The following SHROOM3 variants were observed in gnomAD, a reference collection of about 807,000 sequenced individuals.
SHROOM3 encodes the protein shroom family member 3.
A neutral mutation model predicts 138.6 loss-of-function variants in SHROOM3; 47 were observed. That is an observed-to-expected ratio of 0.34 (90% CI 0.27 to 0.43). The LOEUF is 0.43. Ranked by LOEUF, SHROOM3 falls within the 20% of genes least tolerant of loss-of-function variation. The pLI is 1.00. For missense variants in SHROOM3, 2,491 were observed against 2,596.5 expected, an observed-to-expected ratio of 0.96 and a Z score of 0.88; for synonymous variants, 1,062 against 1,063.3, an observed-to-expected ratio of 1.00 and a Z score of 0.02.
At chr4:76,745,850 G>A (rs556744468) in intron 5 of SHROOM3, among the ~76,000 whole-genome samples, 113 of 152,282 alleles carry the variant, frequency 7.4e-4, no homozygotes, top group African/African-American at 2.6e-3. Context: ...GCATGGTGGT[G>A]TGCATCTGTA....
At chr4:76,564,838 A>G (rs544424096) in intron 2 of SHROOM3, among the ~76,000 whole-genome samples, 133 of 152,290 alleles carry the variant, frequency 8.7e-4, no homozygotes, top group Non-Finnish European at 1.8e-3. Flanking sequence ...CTTCTATACC[A>G]TTAAAGAATT....
chr4:76,756,013 C>T (rs1187918752), intron 7 of SHROOM3, among the ~76,000 whole-genome samples: 1 of 152,222 alleles, frequency 6.6e-6, no homozygotes, highest in Non-Finnish European at 1.5e-5. Flanking sequence ...TCTCTGGAAT[C>T]TAACAGCAAC....
intron 2 of SHROOM3, among the ~76,000 whole-genome samples, chr4:76,587,689 A>G (rs1734182820): frequency 6.6e-6 from 1 of 152,344 alleles, no homozygotes; most frequent in African/African-American, 2.4e-5. Context: ...AAACATAAAA[A>G]TTACTGCTTT....
intron 1 of SHROOM3, among the ~76,000 whole-genome samples, chr4:76,449,905 C>A (rs1189310228): frequency 2.0e-5 from 3 of 152,082 alleles, no homozygotes; most frequent in Non-Finnish European, 4.4e-5. Context: ...GAAACATATG[C>A]TCTATTAAAA....
intron 2 of SHROOM3, among the ~76,000 whole-genome samples, chr4:76,566,251 A>C (rs964853825): frequency 2.0e-5 from 3 of 152,166 alleles, no homozygotes; most frequent in African/African-American, 7.2e-5. Context: ...TAGGTAGGAT[A>C]AGTAATCCAG....
chr4:76,519,369 C>T (rs1732514521), intron 1 of SHROOM3, among the ~76,000 whole-genome samples: 1 of 152,170 alleles, frequency 6.6e-6, no homozygotes, highest in Non-Finnish European at 1.5e-5. Flanking sequence ...CATTTAACTT[C>T]AGTGACTTCA....
intron 3 of SHROOM3, among the ~76,000 whole-genome samples, chr4:76,714,818 G>A (rs1720326191): frequency 6.6e-6 from 1 of 152,052 alleles, no homozygotes; most frequent in Admixed American, 6.6e-5. Context: ...ATTCATTCAT[G>A]TCAGTAAGGA....
At chr4:76,579,072 C>A (rs887390561) in intron 2 of SHROOM3, among the ~76,000 whole-genome samples, 2 of 152,062 alleles carry the variant, frequency 1.3e-5, no homozygotes, top group Non-Finnish European at 2.9e-5. Context: ...CCCAGCTACT[C>A]AGGAAGTTGA....
intron 1 of SHROOM3, among the ~76,000 whole-genome samples, chr4:76,462,756 C>G (rs1243491738): frequency 6.6e-6 from 1 of 151,176 alleles, no homozygotes; most frequent in Non-Finnish European, 1.5e-5. Flanking sequence ...CTCCCTCTCC[C>G]TCTCCCTCTC....
chr4:76,526,920 G>A (rs1732701696), intron 1 of SHROOM3, among the ~76,000 whole-genome samples: 1 of 152,186 alleles, frequency 6.6e-6, no homozygotes, highest in African/African-American at 2.4e-5. Context: ...TTTGTGGAAT[G>A]GATTGTTCTC....
intron 2 of SHROOM3, among the ~76,000 whole-genome samples, chr4:76,694,609 C>G (rs1182931811): frequency 1.3e-5 from 2 of 152,164 alleles, no homozygotes; most frequent in Non-Finnish European, 1.5e-5. Context: ...CTCTGCTACA[C>G]TAGTAATTTG....
intron 2 of SHROOM3, among the ~76,000 whole-genome samples, chr4:76,656,160 A>G (rs891930351): frequency 6.6e-6 from 1 of 152,124 alleles, no homozygotes; most frequent in Non-Finnish European, 1.5e-5. Context: ...ATTTCCAACT[A>G]TAAGGAAACT....
intron 1 of SHROOM3, among the ~76,000 whole-genome samples, chr4:76,536,667 A>G (rs187695281): frequency 7.9e-5 from 12 of 152,340 alleles, no homozygotes; most frequent in African/African-American, 2.6e-4. Flanking sequence ...ATTATAAAGG[A>G]AGTAGCCCCT....
At chr4:76,624,072 C>T (rs1007929547) in intron 2 of SHROOM3, among the ~76,000 whole-genome samples, 1 of 151,908 alleles carries the variant, frequency 6.6e-6, no homozygotes, top group Non-Finnish European at 1.5e-5. Flanking sequence ...TTCAAATATC[C>T]GCTTATGTTG....
At chr4:76,760,870 T>C (rs939274058) in intron 9 of SHROOM3, among the ~76,000 whole-genome samples, 17 of 152,274 alleles carry the variant, frequency 1.1e-4, no homozygotes, top group Non-Finnish European at 2.1e-4. Flanking sequence ...GAGAGAGCTA[T>C]GTATACACCC....
intron 1 of SHROOM3, among the ~76,000 whole-genome samples, chr4:76,501,776 A>C (rs751243797): frequency 6.6e-6 from 1 of 152,190 alleles, no homozygotes; most frequent in Non-Finnish European, 1.5e-5. Flanking sequence ...ACACATCTGC[A>C]TGCCAGCAGG....
intron 2 of SHROOM3, chr4:76,688,935 G>A (rs1009225850): frequency 9.2e-6 from 9 of 974,768 alleles, no homozygotes; most frequent in African/African-American, 1.8e-5. Context: ...TGAGAAAAAG[G>A]ATGGTTATTT....
At chr4:76,552,622 T>A (rs1444111265) in intron 1 of SHROOM3, among the ~76,000 whole-genome samples, 1 of 151,022 alleles carries the variant, frequency 6.6e-6, no homozygotes, top group Non-Finnish European at 1.5e-5. Context: ...TTCCTCATTA[T>A]GTTTGCTATA....
At chr4:76,588,114 G>A (rs915040476) in intron 2 of SHROOM3, among the ~76,000 whole-genome samples, 31 of 152,238 alleles carry the variant, frequency 2.0e-4, no homozygotes, top group African/African-American at 6.7e-4. Flanking sequence ...GAGAGAGCTG[G>A]TTGAAAAACT....
Sources: allele counts gnomAD v4.1 joint callset (sites outside exome capture counted in the v4.1 genomes callset), GRCh38; gene constraint gnomAD v4.1.1; transcripts MANE v1.5; gene names NCBI Gene and HGNC (gene_info 2026-07-23, HGNC 2026-07-21).